The following GRAMD1B variants were observed in gnomAD, a reference collection of about 807,000 sequenced individuals.
GRAMD1B encodes GRAM domain containing 1B.
In GRAMD1B, 37 loss-of-function variants were observed where a neutral mutation model predicts 99.7. The observed-to-expected ratio is 0.37, with a 90% CI of 0.29 to 0.49. The LOEUF (loss-of-function observed/expected upper bound fraction) is 0.49, where lower values mean the gene tolerates loss of function less well. GRAMD1B is among the 20% of genes least tolerant of loss of function. The pLI, the probability that GRAMD1B is intolerant of heterozygous loss-of-function variation, is 0.98. For missense variants in GRAMD1B, 888 were observed against 1,009.2 expected (o/e 0.88, Z 1.63); for synonymous variants, 427 against 387.6 (o/e 1.10, Z -1.19).
intron 1 of GRAMD1B, among the ~76,000 whole-genome samples, chr11:123,390,524 A>ATT (rs2135849792): frequency 6.6e-6 from 1 of 152,302 alleles, no homozygotes; most frequent in African/African-American, 2.4e-5. Context: ...TTTGTAATGA[A>ATT]TTTTCACTAC....
intron 2 of GRAMD1B, among the ~76,000 whole-genome samples, chr11:123,570,429 T>C (rs1021361874): frequency 6.7e-6 from 1 of 148,514 alleles, no homozygotes; most frequent in Non-Finnish European, 1.5e-5. Context: ...TTCTTTTTTT[T>C]TTTTTTTTTT....
chr11:123,399,308 T>C (rs1416882715), intron 1 of GRAMD1B, among the ~76,000 whole-genome samples: 2 of 152,212 alleles, frequency 1.3e-5, no homozygotes, highest in East Asian at 3.8e-4. Context: ...TATTTAAGTA[T>C]GCCACATTTT....
chr11:123,493,572 C>T (rs1042986211), intron 2 of GRAMD1B, among the ~76,000 whole-genome samples: 2 of 152,172 alleles, frequency 1.3e-5, no homozygotes, highest in Non-Finnish European at 1.5e-5. Flanking sequence ...GGTGAAAAGC[C>T]CAGAGTGGCA....
At chr11:123,530,872 CT>C (rs2047064153) in intron 2 of GRAMD1B, among the ~76,000 whole-genome samples, 2 of 152,144 alleles carry the variant, frequency 1.3e-5, no homozygotes, top group Admixed American at 1.3e-4. Context: ...CTGTAATCAC[CT>C]TTTGGCCTGC....
At chr11:123,617,169 C>CTTTTTT (rs34788392) in intron 17 of GRAMD1B, among the ~76,000 whole-genome samples, 18 of 133,670 alleles carry the variant, frequency 1.3e-4, no homozygotes, top group Admixed American at 2.3e-4. Flanking sequence ...TCTTTCTTTC[C>CTTTTTT]TTTTTTTTTT....
intron 1 of GRAMD1B, among the ~76,000 whole-genome samples, chr11:123,368,115 G>A (rs530920488): frequency 2.6e-4 from 39 of 152,016 alleles, no homozygotes; most frequent in East Asian, 7.8e-4. Context: ...TTAGCTGGGC[G>A]TGGTGGTGGA....
At chr11:123,606,560 G>A in intron 10 of GRAMD1B, 49 bp from the exon 11 acceptor site, 2 of 1,515,508 alleles carry the variant, frequency 1.3e-6, no homozygotes, top group Non-Finnish European at 1.8e-6. Context: ...TTGGAGAATA[G>A]ATCCAGACCA....
intron 1 of GRAMD1B, among the ~76,000 whole-genome samples, chr11:123,473,577 G>A (rs1398778155): frequency 2.0e-5 from 3 of 152,108 alleles, no homozygotes; most frequent in Non-Finnish European, 4.4e-5. Context: ...CCAGTCCCAA[G>A]AACCATTAAA....
intron 6 of GRAMD1B, 118 bp downstream of exon 6, chr11:123,594,956 A>G (rs1448994210): frequency 1.5e-6 from 1 of 662,218 alleles, no homozygotes; most frequent in Non-Finnish European, 2.8e-6. Context: ...TAATTAACAA[A>G]AGCATGCCTG....
Position 123,555,251 on chromosome 11 carries a change from G to T in GRAMD1B, c.453-22116G>T, listed in dbSNP as rs188628179. Reference sequence around the variant, plus strand: ...AGGAACAACGGAACTTACCTTGAAGGGTTGTTTTGAGGGTTAAATGCAATA... The same window carrying T: ...AGGAACAACGGAACTTACCTTGAAGTGTTGTTTTGAGGGTTAAATGCAATA... On this transcript the variant is annotated intron_variant, in intron 2 of 19. Transcript: ENST00000635736. Among the ~76,000 whole-genome samples the T allele has an allele frequency of 2.9e-3, 434 of 152,278 alleles. 3 individuals carry two copies. Among genetic ancestry groups the T allele is most frequent in the African/African-American group, 9.1e-3 (380 of 41,544 alleles).
intron 1 of GRAMD1B, among the ~76,000 whole-genome samples, chr11:123,392,956 A>G (rs1435094213): frequency 6.6e-6 from 1 of 152,216 alleles, no homozygotes; most frequent in Non-Finnish European, 1.5e-5. Flanking sequence ...TGGTTTTGAC[A>G]AGAATGCCTT....
intron 2 of GRAMD1B, among the ~76,000 whole-genome samples, chr11:123,501,202 G>A (rs997812836): frequency 1.8e-4 from 27 of 151,288 alleles, no homozygotes; most frequent in East Asian, 7.9e-4. Flanking sequence ...ACAGAGTCTC[G>A]CTTTATCACC....
rs190323549 is a variant in GRAMD1B, at chr11:123,626,371, C to G, written c.*3776C>G. On this transcript the variant is annotated 3_prime_UTR_variant, in exon 20 of 20. Coordinates refer to ENST00000635736, the MANE Select transcript of GRAMD1B (RefSeq NM_001387025.1). The stretch of plus-strand genomic sequence containing the variant: ...GTGGATTCTCTCCGTGTCCCTGCCC[C>G]CCACCCAAACTTGAACTATACCTAT... The G allele has an allele frequency of 6.6e-6, 1 of 152,104 alleles. No individual in the cohort carries two copies. The highest frequency in any genetic ancestry group is 6.6e-5 in the Admixed American group (1 of 15,264). 9.4% of individuals were successfully genotyped at this position (152,104 alleles called of 1,614,324 possible).
At chr11:123,535,768 A>G (rs796400995) in intron 2 of GRAMD1B, among the ~76,000 whole-genome samples, 5 of 152,338 alleles carry the variant, frequency 3.3e-5, no homozygotes, top group Admixed American at 1.3e-4. Flanking sequence ...TCAGTTAAGC[A>G]TTAGAACATT....
chr11:123,553,989 C>T (rs1945889199), intron 2 of GRAMD1B, among the ~76,000 whole-genome samples: 1 of 152,160 alleles, frequency 6.6e-6, no homozygotes. Context: ...TCCAAACTTC[C>T]TGACAGACTG....
chr11:123,413,702 C>T (rs1948129737), intron 1 of GRAMD1B, among the ~76,000 whole-genome samples: 1 of 152,144 alleles, frequency 6.6e-6, no homozygotes, highest in Non-Finnish European at 1.5e-5. Flanking sequence ...GTTCAGAGGT[C>T]ATCCAGGACC....
intron 3 of GRAMD1B, among the ~76,000 whole-genome samples, chr11:123,582,192 C>T (rs1255071202): frequency 6.6e-6 from 1 of 152,238 alleles, no homozygotes; most frequent in Non-Finnish European, 1.5e-5. Context: ...ATCTGCACAG[C>T]CTCTTGCCCT....
intron 4 of GRAMD1B, among the ~76,000 whole-genome samples, chr11:123,584,957 C>T (rs1004492925): frequency 1.3e-5 from 2 of 152,164 alleles, no homozygotes; most frequent in African/African-American, 4.8e-5. Flanking sequence ...CAGAGGCCAC[C>T]GCCTGTCACT....
chr11:123,383,522 T>C (rs1946956638), intron 1 of GRAMD1B, among the ~76,000 whole-genome samples: 1 of 152,164 alleles, frequency 6.6e-6, no homozygotes, highest in African/African-American at 2.4e-5. Flanking sequence ...TCTCCCAGTA[T>C]AGTGGTTCAT....
Sources: gnomAD v4.1 joint callset for allele counts (sites outside exome capture counted in the v4.1 genomes callset) on GRCh38, gnomAD v4.1.1 for gene constraint, MANE v1.5 for transcripts, NCBI Gene and HGNC (gene_info 2026-07-23, HGNC 2026-07-21) for gene names.